The following POLQ variants were observed in gnomAD, a reference collection of about 807,000 sequenced individuals.
POLQ encodes epididymis secretory sperm binding protein.
In POLQ, 233 loss-of-function variants were observed where a neutral mutation model predicts 259.2. That is an observed-to-expected ratio of 0.90 (90% CI 0.81 to 1.00). The LOEUF (loss-of-function observed/expected upper bound fraction) is 1.00. Ranked by LOEUF, POLQ falls within the 50% of genes least tolerant of loss-of-function variation. The pLI is 0.00. For missense variants in POLQ, 2,871 were observed against 3,051.6 expected, an observed-to-expected ratio of 0.94 and a Z score of 1.39; for synonymous variants, 1,025 against 1,048.8, an observed-to-expected ratio of 0.98 and a Z score of 0.44.
At chr3:121,530,344 T>A (rs1331175494) in intron 6 of POLQ, among the ~76,000 whole-genome samples, 2 of 152,204 alleles carry the variant, frequency 1.3e-5, no homozygotes, top group African/African-American at 4.8e-5. Context: ...CTGATGTAAA[T>A]GTTCTGAGAA....
rs900581662 is a variant in POLQ at position 121,505,785 on chromosome 3, G to T, written c.1959+3776C>A. On this transcript the variant is annotated intron_variant, in intron 12 of 29. Coordinates refer to ENST00000264233, the MANE Select transcript of POLQ (RefSeq NM_199420.4). ...GCACTTTGGGAGGCCAAGGCAGGTG[G>T]ATCACCTGAGGTTAGAAGTTCAAGA... Among the ~76,000 whole-genome samples, 4 of 151,470 alleles carry T rather than the reference G, an allele frequency of 2.6e-5. No homozygotes were observed. In the South Asian group the frequency reaches 8.3e-4, roughly 32 times the overall value.
chr3:121,434,532 T>C (rs1387408195), intron 28 of POLQ, among the ~76,000 whole-genome samples: 1 of 152,178 alleles, frequency 6.6e-6, no homozygotes, highest in Non-Finnish European at 1.5e-5. Flanking sequence ...CTCTCTCAAT[T>C]AAATATAAAT....
chr3:121,509,006 T>C (rs1252966234), intron 12 of POLQ, among the ~76,000 whole-genome samples: 2 of 152,232 alleles, frequency 1.3e-5, no homozygotes, highest in Non-Finnish European at 2.9e-5. Context: ...TTATAGAGAT[T>C]TTTATCAAAC....
At chr3:121,526,875 ATGTGTG>A (rs112164513) in intron 7 of POLQ, among the ~76,000 whole-genome samples, 1 of 148,792 alleles carries the variant, frequency 6.7e-6, no homozygotes, top group Non-Finnish European at 1.5e-5. Flanking sequence ...GTGTCTCTGT[ATGTGTG>A]TGTGTGTGTG....
intron 5 of POLQ, 100 bp from the exon 6 acceptor site, chr3:121,533,309 G>T (rs919254851): frequency 8.8e-5 from 58 of 659,626 alleles, no homozygotes; most frequent in Non-Finnish European, 1.2e-4. Context: ...GTACACACAT[G>T]CATACATTTC....
At chr3:121,453,419 G>C (rs1346520436) in intron 25 of POLQ, among the ~76,000 whole-genome samples, 5 of 152,312 alleles carry the variant, frequency 3.3e-5, no homozygotes, top group Non-Finnish European at 7.3e-5. Context: ...AGAGAAGAAG[G>C]CTTCAGACGA....
chr3:121,474,979 A>G (rs150860213), intron 20 of POLQ, among the ~76,000 whole-genome samples: 1 of 152,298 alleles, frequency 6.6e-6, no homozygotes, highest in Admixed American at 6.5e-5. Context: ...TGATTAACAT[A>G]TTGATCACCA....
chr3:121,545,431 C>G lies in POLQ; in HGVS notation c.163+284G>C, dbSNP rs565092919. 2.6e-5 allele frequency among the ~76,000 whole-genome samples: 4 copies of G among 152,236 alleles called. 1 individual carries two copies. The highest frequency in any genetic ancestry group is 3.9e-4 in the East Asian group (2 of 5,182). ...AAGGAGTACTGGGTACTACCAGGAA[C>G]GAGCCGCCCAACAGATGATGGGATG... is the stretch of plus-strand genomic sequence containing the variant. On this transcript the variant is annotated intron_variant, in intron 1 of 29. Transcript: ENST00000264233.
At chr3:121,477,058 T>C (rs1328438303) in intron 19 of POLQ, among the ~76,000 whole-genome samples, 1 of 152,218 alleles carries the variant, frequency 6.6e-6, no homozygotes, top group African/African-American at 2.4e-5. Context: ...ATCAACCTTA[T>C]TTTGAAATCC....
chr3:121,494,699 A>C, intron 14 of POLQ: 1 of 1,580,624 alleles, frequency 6.3e-7, no homozygotes, highest in South Asian at 1.1e-5. Context: ...CCACAGGAAG[A>C]CCTGCACCAC....
At chr3:121,457,808 A>C (rs1054452157) in intron 25 of POLQ, among the ~76,000 whole-genome samples, 2 of 152,208 alleles carry the variant, frequency 1.3e-5, no homozygotes, top group Non-Finnish European at 2.9e-5. Context: ...TAGTTCAACC[A>C]TTGTGGAAGT....
chr3:121,524,274 C>T (rs1187169394), intron 7 of POLQ, among the ~76,000 whole-genome samples: 1 of 152,254 alleles, frequency 6.6e-6, no homozygotes, highest in Admixed American at 6.5e-5. Context: ...TAGACAACAG[C>T]CTAGCCAATA....
chr3:121,483,552 A>G lies in POLQ; in HGVS notation c.5804T>C (p.Leu1935Ser), dbSNP rs779555471. 2 of 1,556,166 alleles carry G rather than the reference A, an allele frequency of 1.3e-6. No individual in the cohort carries two copies. The highest frequency in any genetic ancestry group is 4.4e-5 in the Admixed American group (2 of 45,952). Residue 1935 changes from leucine to serine, a missense_variant, in exon 18 of 30, where the codon TTA (leucine) becomes TCA (serine). Physicochemically the swap from Leu to Ser is moderately radical, Grantham distance 145 (BLOSUM62 -2). Coordinates refer to ENST00000264233, the MANE Select transcript of POLQ (RefSeq NM_199420.4). ...EISASLVPPS[L>S]DPSLTLKDRM... The stretch of plus-strand genomic sequence containing the variant: ...GTCTTTCAAAGTCAGGCTTGGATCT[A>G]AAGAAGGTGGAACCAAACTGGCACT...
chr3:121,447,839 T>TA (rs2047644012), intron 26 of POLQ, among the ~76,000 whole-genome samples: 1 of 152,168 alleles, frequency 6.6e-6, no homozygotes, highest in African/African-American at 2.4e-5. Context: ...TATTCCAGGG[T>TA]AAAAGCTGTT....
Position 121,476,705 on chromosome 3 carries a change from A to C in POLQ, c.6240T>G (p.Ser2080=). ...GTTCTAGCAAGGCCAAGCAGTACTG[A>C]GAGGGCATTTCCACCTTACGGAAAA... is the stretch of plus-strand genomic sequence containing the variant. ...QDVFRKVEMP[S]QYCLALLELN... is the part of the protein sequence containing the mutation. Residue 2080 remains serine, a synonymous_variant, in exon 20 of 30, where the codon TCT becomes TCG. Coordinates refer to ENST00000264233, the MANE Select transcript of POLQ (RefSeq NM_199420.4). 6.2e-7 allele frequency: 1 copy of C among 1,605,058 alleles called. No homozygotes were observed. The highest frequency in any genetic ancestry group is 8.5e-7 in the Non-Finnish European group (1 of 1,177,558).
intron 5 of POLQ, among the ~76,000 whole-genome samples, chr3:121,535,613 G>A (rs112800699): frequency 0.11 from 17,024 of 151,390 alleles, 1,198 homozygotes; most frequent in Middle Eastern, 0.17. Context: ...CTACTCAGGA[G>A]GCTCAGGCAG....
At chr3:121,437,731 G>A (rs966742628) in intron 27 of POLQ, among the ~76,000 whole-genome samples, 8 of 152,112 alleles carry the variant, frequency 5.3e-5, no homozygotes, top group Admixed American at 3.9e-4. Context: ...CCTTGTACAA[G>A]CATGTTCAAA....
chr3:121,533,708 G>T (rs1217905073), intron 5 of POLQ, among the ~76,000 whole-genome samples: 1 of 151,990 alleles, frequency 6.6e-6, no homozygotes, highest in Non-Finnish European at 1.5e-5. Flanking sequence ...CAGAGACAGG[G>T]TTTCACTGTG....
At position 121,522,100 on chromosome 3, in the gene POLQ, TTC is replaced by T. The variant is rs771069757; in HGVS notation, c.1156_1157del (p.Glu386ThrfsTer37). ...ECPPVILEQK[E>X]LLEVMDQLRR... ...TTAACTGATCCATCACTTCCAGGAG[TTC>T]TTTTTGTTCCAGAATTACTGGTGGG... On this transcript the variant is annotated frameshift_variant, in exon 8 of 30. Transcript: ENST00000264233. LOFTEE classifies it high-confidence loss of function. 34 of 1,610,176 alleles carry T rather than the reference TTC, an allele frequency of 2.1e-5. No homozygotes were observed. In the African/African-American group the frequency reaches 4.4e-4, roughly 21 times the overall value.
Sources: allele counts gnomAD v4.1 joint callset (sites outside exome capture counted in the v4.1 genomes callset), GRCh38; gene constraint gnomAD v4.1.1; transcripts MANE v1.5; gene names NCBI Gene and HGNC (gene_info 2026-07-23, HGNC 2026-07-21).